Variants in CEP164 observed in about 807,000 individuals in gnomAD.
CEP164 encodes centrosomal protein of 164 kDa.
In CEP164, 162 loss-of-function variants were observed where a neutral mutation model predicts 182.7. The ratio of observed to expected loss-of-function variants is 0.89; its 90% confidence interval spans 0.78 to 1.01. The LOEUF (loss-of-function observed/expected upper bound fraction) is 1.01. Ranked by LOEUF, CEP164 falls within the 50% of genes least tolerant of loss-of-function variation. CEP164 has a pLI of 0.00. For missense variants in CEP164, 1,735 were observed against 1,790.4 expected, an observed-to-expected ratio of 0.97 and a Z score of 0.56; for synonymous variants, 661 against 690.0, an observed-to-expected ratio of 0.96 and a Z score of 0.66.
At position 117,382,832 on chromosome 11, in the gene CEP164, G is replaced by C; in HGVS notation, c.1614G>C (p.Lys538Asn). The part of the protein sequence containing the change: ...QAPSPPAACE[K>N]GKEQHSQAEE... ...CAAGCCCACCTGCTGCCTGTGAGAA[G>C]GGCAAGGAGCAGCATTCCCAGGCCG... The change falls in exon 14 of 33, where the codon AAG becomes AAC. Residue 538 changes from lysine (K) to asparagine (N), a missense_variant. Lys to Asn is a moderately conservative substitution (Grantham distance 94). Coordinates refer to ENST00000278935, the MANE Select transcript of CEP164 (RefSeq NM_014956.5). 1 of 1,614,156 alleles carries C rather than the reference G, an allele frequency of 6.2e-7. No homozygotes were observed. The highest frequency in any genetic ancestry group is 8.5e-7 in the Non-Finnish European group (1 of 1,180,016).
intron 6 of CEP164, 80 bp downstream of exon 6, chr11:117,362,073 G>C (rs1470595222): frequency 7.4e-7 from 1 of 1,345,370 alleles, no homozygotes; most frequent in African/African-American, 1.5e-5. Context: ...ATGGCCTAGG[G>C]GTGAGAAATA....
At chr11:117,384,690 TC>T (rs2043743572) in intron 14 of CEP164, 1 of 152,202 alleles carries the variant, frequency 6.6e-6, no homozygotes, top group South Asian at 2.1e-4. Flanking sequence ...GTTTATACCA[TC>T]CCCTTAGGAA....
At position 117,387,231 on chromosome 11, in the gene CEP164, G is replaced by C. The variant is rs148866361; in HGVS notation, c.1753G>C (p.Glu585Gln). The stretch of plus-strand genomic sequence containing the variant: ...ATCCACAGAGCCTGTGGCTCCCCCA[G>C]AGCAGCTCTCAGAGGCTGCACTAAA... ...VRSTEPVAPP[E>Q]QLSEAALKAM... Residue 585 changes from glutamate to glutamine, a missense_variant, in exon 15 of 33, where the codon GAG (glutamate) becomes CAG (glutamine). By Grantham distance (29) the Glu-to-Gln change is conservative. Coordinates refer to ENST00000278935, the MANE Select transcript of CEP164 (RefSeq NM_014956.5). 3.7e-6 allele frequency: 6 copies of C among 1,614,016 alleles called. No homozygotes were observed. Among genetic ancestry groups the C allele is most frequent in the African/African-American group, 1.3e-5 (1 of 74,924 alleles).
In CEP164 at chr11:117,392,481, C is replaced by CG. The variant is rs1565579377; in HGVS notation, c.2362-10dup. 2.0e-5 allele frequency: 32 copies of CG among 1,609,520 alleles called. No individual in the cohort carries two copies. Among genetic ancestry groups the CG allele is most frequent in the Non-Finnish European group, 2.6e-5 (31 of 1,177,946 alleles). ...TGAGGGTCACACTCCCCTGTGTGTG[C>CG]GGGGGCCTCCTCAGGTGGTCTCCAG... On this transcript the variant is annotated splice_polypyrimidine_tract_variant and intron_variant, in intron 18 of 32. Coordinates refer to ENST00000278935, the MANE Select transcript of CEP164 (RefSeq NM_014956.5).
chr11:117,351,448 C>T (rs1371390555), intron 4 of CEP164, among the ~76,000 whole-genome samples: 1 of 152,124 alleles, frequency 6.6e-6, no homozygotes, highest in African/African-American at 2.4e-5. Flanking sequence ...AGTTTTTATA[C>T]TTCTCCATCT....
upstream of CEP164, among the ~76,000 whole-genome samples, chr11:117,326,430 A>G (rs934261754): frequency 2.7e-5 from 4 of 148,088 alleles, no homozygotes; most frequent in East Asian, 8.1e-4. Context: ...ACGGGGTTTC[A>G]TCATATTGGC....
At chr11:117,347,732 T>C (rs2135354463) in intron 4 of CEP164, among the ~76,000 whole-genome samples, 1 of 152,032 alleles carries the variant, frequency 6.6e-6, no homozygotes, top group African/African-American at 2.4e-5. Flanking sequence ...AAAGAATAGC[T>C]TGTCAGTTTC....
At chr11:117,341,655 A>G (rs1216958296) in intron 3 of CEP164, among the ~76,000 whole-genome samples, 2 of 152,018 alleles carry the variant, frequency 1.3e-5, no homozygotes, top group South Asian at 2.1e-4. Flanking sequence ...CGTGTTGCCC[A>G]GGCTGGTCTT....
At chr11:117,338,487 C>T (rs923513982) in intron 2 of CEP164, 79 bp from the exon 3 acceptor site, 58 of 1,039,648 alleles carry the variant, frequency 5.6e-5, no homozygotes, top group Non-Finnish European at 7.8e-5. Context: ...CCCAGATGCT[C>T]CATGACCCAG....
At position 117,410,891 on chromosome 11, in the gene CEP164, C is replaced by T. The variant is rs748651905; in HGVS notation, c.4160C>T (p.Ala1387Val). 9.9e-6 allele frequency: 16 copies of T among 1,612,600 alleles called. No homozygotes were observed. Among genetic ancestry groups the T allele is most frequent in the Non-Finnish European group, 1.2e-5 (14 of 1,179,408 alleles). ...GAGAGCAGGCTGGGTTACATGTCTG[C>T]CAGGTGAGCCTCCCTGGGGGCTGGT... ...PLESRLGYMS[A>V]SEQLRLLQHS... is the part of the protein sequence containing the mutation. Residue 1387 changes from alanine (A) to valine (V), a missense_variant, in exon 31 of 33, where the codon GCC becomes GTC. Coordinates refer to ENST00000278935, the MANE Select transcript of CEP164 (RefSeq NM_014956.5).
At chr11:117,381,190 CAG>C (rs2043276717) in intron 12 of CEP164, among the ~76,000 whole-genome samples, 2 of 152,224 alleles carry the variant, frequency 1.3e-5, no homozygotes, top group South Asian at 2.1e-4. Flanking sequence ...TGTGATGTGA[CAG>C]GGGCTCTCAG....
At position 117,329,862 on chromosome 11, in the gene CEP164, T is replaced by TA. The variant is rs1555076437; in HGVS notation, c.-98+1960dup. Reference sequence around the variant, plus strand: ...GCCTTTTTTTTTTTTTTTTTTTTTTTAACTTTGCTAAGCCTCAGTTTCCTT... The same window carrying TA: ...GCCTTTTTTTTTTTTTTTTTTTTTTTAAACTTTGCTAAGCCTCAGTTTCCTT... On this transcript the variant is annotated intron_variant, in intron 1 of 32. Transcript: ENST00000278935. 1.9e-3 allele frequency among the ~76,000 whole-genome samples: 272 copies of TA among 141,330 alleles called. 9 individuals are homozygous for TA. In the South Asian group the frequency reaches 0.038, roughly 20 times the overall value. 92.7% of individuals were successfully genotyped at this position (141,330 alleles called of 152,430 possible).
chr11:117,360,274 C>T (rs1387552496), intron 5 of CEP164, among the ~76,000 whole-genome samples: 3 of 152,104 alleles, frequency 2.0e-5, no homozygotes, highest in African/African-American at 7.2e-5. Flanking sequence ...CTTAATTGAT[C>T]TTGCCGCCTC....
intron 5 of CEP164, chr11:117,356,675 G>A (rs1022789775): frequency 2.8e-5 from 34 of 1,214,196 alleles, no homozygotes; most frequent in African/African-American, 1.9e-4. Flanking sequence ...GGGAGCAGGT[G>A]GAGTTGATGT....
chr11:117,352,056 AGGT>A, intron 5 of CEP164, 68 bp downstream of exon 5: 1 of 1,327,312 alleles, frequency 7.5e-7, no homozygotes, highest in Admixed American at 2.4e-5. Flanking sequence ...GGGAACCTCT[AGGT>A]GTCTGCAGCT....
chr11:117,391,297 G>T, intron 17 of CEP164, 82 bp downstream of exon 17: 4 of 1,236,214 alleles, frequency 3.2e-6, no homozygotes, highest in Non-Finnish European at 4.6e-6. Context: ...AGGAGAAGAA[G>T]GGCAAGTCTC....
intron 9 of CEP164, among the ~76,000 whole-genome samples, chr11:117,373,010 C>T (rs1328899251): frequency 6.6e-6 from 1 of 152,084 alleles, no homozygotes; most frequent in Non-Finnish European, 1.5e-5. Flanking sequence ...ATCCTTTGGC[C>T]TTTTAGATTT....
intron 27 of CEP164, among the ~76,000 whole-genome samples, chr11:117,405,855 A>C (rs1005285453): frequency 5.9e-5 from 9 of 152,146 alleles, no homozygotes; most frequent in Admixed American, 5.9e-4. Context: ...AACAAGAGTC[A>C]CCTTTGCTCC....
chr11:117,392,154 C>A, intron 17 of CEP164, 72 bp from the exon 18 acceptor site: 1 of 1,398,342 alleles, frequency 7.2e-7, no homozygotes, highest in Non-Finnish European at 9.6e-7. Context: ...GGTCGGTAGT[C>A]TTCCTGGCTC....
Sources: allele counts gnomAD v4.1 joint callset (sites outside exome capture counted in the v4.1 genomes callset), GRCh38; gene constraint gnomAD v4.1.1; transcripts MANE v1.5; gene names NCBI Gene and HGNC (gene_info 2026-07-23, HGNC 2026-07-21).